Variants in PYGB observed in about 807,000 individuals in gnomAD.
The protein encoded by PYGB is glycogen phosphorylase, brain form.
In PYGB, 82 loss-of-function variants were observed where a neutral mutation model predicts 94.3. The observed-to-expected ratio is 0.87, with a 90% CI of 0.73 to 1.04. The LOEUF (loss-of-function observed/expected upper bound fraction) is 1.04, where lower values mean the gene tolerates loss of function less well. Among genes scored for constraint, PYGB ranks in the 50% least tolerant of loss-of-function variants. PYGB has a pLI of 0.00. For missense variants in PYGB, 1,132 were observed against 1,158.2 expected, an observed-to-expected ratio of 0.98 and a Z score of 0.33; for synonymous variants, 488 against 479.1, an observed-to-expected ratio of 1.02 and a Z score of -0.24.
intron 2 of PYGB, among the ~76,000 whole-genome samples, chr20:25,261,446 A>G (rs1039457364): frequency 6.6e-6 from 1 of 152,250 alleles, no homozygotes; most frequent in Non-Finnish European, 1.5e-5. Context: ...AAACTAACAA[A>G]CAGAAAGGAC....
At chr20:25,295,119 AG>A (rs2088520268) in intron 18 of PYGB, 2 of 1,356,726 alleles carry the variant, frequency 1.5e-6, no homozygotes, top group East Asian at 4.6e-5. Flanking sequence ...ATGCATTTGT[AG>A]ATTCATAAAT....
chr20:25,296,225 A>G, intron 19 of PYGB, 145 bp from the exon 20 acceptor site: 2 of 999,404 alleles, frequency 2.0e-6, no homozygotes, highest in South Asian at 3.1e-5. Context: ...TCAACGAACA[A>G]GTGATTGTAA....
At chr20:25,271,981 T>C (rs1419667365) in intron 4 of PYGB, among the ~76,000 whole-genome samples, 1 of 152,222 alleles carries the variant, frequency 6.6e-6, no homozygotes, top group Non-Finnish European at 1.5e-5. Flanking sequence ...GGTTAGAGGC[T>C]GGACTCTGCA....
chr20:25,277,599 TC>T (rs1208469469), intron 7 of PYGB, among the ~76,000 whole-genome samples: 1 of 152,116 alleles, frequency 6.6e-6, no homozygotes, highest in East Asian at 1.9e-4. Context: ...TCTTATCCAC[TC>T]CCCTCATAAA....
chr20:25,289,439 G>A (rs773827650), intron 15 of PYGB, among the ~76,000 whole-genome samples: 3 of 152,212 alleles, frequency 2.0e-5, no homozygotes, highest in Non-Finnish European at 4.4e-5. Context: ...GAGCCCAGGA[G>A]TTCGAGACCA....
chr20:25,295,145 C>T lies in PYGB; in HGVS notation c.2313-459C>T, dbSNP rs866024736. ...GATTCATAAATCTGGCATTTTTGTT[C>T]AGCACATCAGGAACTGCAAGTCAGT... On this transcript the variant is annotated intron_variant, in intron 18 of 19. Transcript: ENST00000216962. 3.7e-6 allele frequency: 4 copies of T among 1,089,586 alleles called. No homozygotes were observed. The Middle Eastern group carries it at 8.0e-4, about 217-fold the overall frequency. 67.5% of individuals were successfully genotyped at this position (1,089,586 alleles called of 1,614,324 possible). A position where few individuals can be genotyped will look rare whatever the true frequency, so the allele number is the denominator to read the frequency against.
Position 25,269,194 on chromosome 20 carries a change from G to C in PYGB, c.411G>C (p.Leu137=). The change falls in exon 3 of 20, where the codon CTG becomes CTC. Residue 137 remains leucine (L), a synonymous_variant. Transcript: ENST00000216962. ...EEDAGLGNGG[L]GRLAACFLDS... ...ATGCTGGCCTTGGGAATGGAGGCCT[G>C]GGGAGGCTGGCAGGTAAGTTGCCCC... The C allele has an allele frequency of 6.3e-7, 1 of 1,592,340 alleles. No homozygotes were observed. The highest frequency in any genetic ancestry group is 8.6e-7 in the Non-Finnish European group (1 of 1,160,774).
intron 2 of PYGB, among the ~76,000 whole-genome samples, chr20:25,261,570 T>C (rs925865447): frequency 1.3e-5 from 2 of 152,074 alleles, no homozygotes; most frequent in Non-Finnish European, 2.9e-5. Flanking sequence ...AAAATCAGAG[T>C]GCCTCTTCTC....
intron 1 of PYGB, among the ~76,000 whole-genome samples, chr20:25,254,958 A>C (rs948408203): frequency 1.3e-5 from 2 of 152,224 alleles, no homozygotes. Context: ...GACATTTTCA[A>C]AATTGAGCAA....
rs771611209 is a variant in PYGB at position 25,248,412 on chromosome 20, C to T, written c.234C>T (p.Arg78=). ...GCACGCAGCAGCACTACTACGAGCG[C>T]GACCCCAAGGTGAGGCGCTGCCCCG... is the stretch of plus-strand genomic sequence containing the variant. ...WIRTQQHYYE[R]DPKRIYYLSL... The change falls in exon 1 of 20, where the codon CGC becomes CGT. Residue 78 remains arginine (R), a synonymous_variant. Transcript: ENST00000216962. 9.7e-6 allele frequency: 15 copies of T among 1,539,956 alleles called. No homozygotes were observed. Among genetic ancestry groups the T allele is most frequent in the Middle Eastern group, 3.4e-4 (2 of 5,798 alleles).
intron 13 of PYGB, among the ~76,000 whole-genome samples, chr20:25,283,565 A>G (rs2088388871): frequency 6.6e-6 from 1 of 152,220 alleles, no homozygotes; most frequent in Admixed American, 6.5e-5. Flanking sequence ...GCCACAGGTC[A>G]GTTCTGTATG....
chr20:25,296,539 C>G lies in PYGB; in HGVS notation c.*17C>G, dbSNP rs745519628. The G allele has an allele frequency of 8.1e-6, 13 of 1,595,882 alleles. No homozygotes were observed. In the South Asian group the frequency reaches 1.3e-4, roughly 17 times the overall value. On this transcript the variant is annotated 3_prime_UTR_variant, in exon 20 of 20. Coordinates refer to ENST00000216962, the MANE Select transcript of PYGB (RefSeq NM_002862.4). The stretch of plus-strand genomic sequence containing the variant: ...CGGGACTAGGCACACCCTGCCTTGG[C>G]GGGACCAGCGGGCATTTGTTTTCTT...
chr20:25,263,238 T>G (rs909262869), intron 2 of PYGB, among the ~76,000 whole-genome samples: 1 of 152,254 alleles, frequency 6.6e-6, no homozygotes. Context: ...TCAGCAAATG[T>G]AAAAGAACAG....
chr20:25,266,810 G>A (rs556820147), intron 2 of PYGB, among the ~76,000 whole-genome samples: 6 of 152,254 alleles, frequency 3.9e-5, no homozygotes, highest in South Asian at 2.1e-4. Context: ...ACAATGAGAC[G>A]CCGCTGTATT....
chr20:25,278,416 G>T lies in PYGB; in HGVS notation c.953G>T (p.Gly318Val). 6.2e-7 allele frequency: 1 copy of T among 1,614,224 alleles called. No individual in the cohort carries two copies. The highest frequency in any genetic ancestry group is 8.5e-7 in the Non-Finnish European group (1 of 1,180,032). The change falls in exon 8 of 20, where the codon GGC becomes GTC. Residue 318 changes from glycine to valine, a missense_variant. Physicochemically the swap from Gly to Val is moderately radical, Grantham distance 109. Coordinates refer to ENST00000216962, the MANE Select transcript of PYGB (RefSeq NM_002862.4). ...CGCCGCTTCAAGTCGTCCAAGTTCG[G>T]CTGCCGGGACCCTGTGAGAACCTGT... ...IIRRFKSSKFGCRDPVRTCFE... is the reference protein window; with the variant it reads ...IIRRFKSSKFVCRDPVRTCFE...
chr20:25,270,447 C>A (rs2088257443), intron 3 of PYGB, among the ~76,000 whole-genome samples: 1 of 152,028 alleles, frequency 6.6e-6, no homozygotes, highest in Non-Finnish European at 1.5e-5. Flanking sequence ...CGTGATCTGC[C>A]CGCCTCAGCC....
chr20:25,282,255 T>C (rs1176204737), intron 12 of PYGB, 108 bp downstream of exon 12: 3 of 891,262 alleles, frequency 3.4e-6, no homozygotes, highest in Non-Finnish European at 5.1e-6. Flanking sequence ...AGTCTGTCCC[T>C]CACGTGTTGA....
chr20:25,279,769 A>G (rs2088348934), intron 9 of PYGB, among the ~76,000 whole-genome samples: 1 of 152,018 alleles, frequency 6.6e-6, no homozygotes. Context: ...ATTTTTTTTA[A>G]CTCCGTTTTG....
intron 14 of PYGB, chr20:25,285,386 T>G (rs1046008313): frequency 5.3e-5 from 8 of 151,942 alleles, no homozygotes; most frequent in African/African-American, 1.7e-4. Context: ...CCCCCTCCCT[T>G]CCTCCCGCTC....
Sources: allele counts gnomAD v4.1 joint callset (sites outside exome capture counted in the v4.1 genomes callset), GRCh38; gene constraint gnomAD v4.1.1; transcripts MANE v1.5; gene names NCBI Gene and HGNC (gene_info 2026-07-23, HGNC 2026-07-21).